Variants in SORCS3 observed in about 807,000 individuals in gnomAD.
SORCS3 encodes VPS10 domain-containing receptor SorCS3.
Under a neutral mutation model 146.3 loss-of-function variants are expected in SORCS3, and 57 were observed. The ratio of observed to expected loss-of-function variants is 0.39; its 90% CI spans 0.31 to 0.49. SORCS3 has a LOEUF of 0.49. SORCS3 is among the 20% of genes least tolerant of loss of function. The pLI, the probability that SORCS3 is intolerant of heterozygous loss-of-function variation, is 0.92. For synonymous variants in SORCS3, 653 were observed against 618.5 expected, an observed-to-expected ratio of 1.06 and a Z score of -0.83; for missense variants, 1,341 against 1,575.5, an observed-to-expected ratio of 0.85 and a Z score of 2.52.
intron 8 of SORCS3, among the ~76,000 whole-genome samples, chr10:105,142,775 G>A (rs773842910): frequency 2.6e-5 from 4 of 152,198 alleles, no homozygotes; most frequent in Admixed American, 1.3e-4. Flanking sequence ...GGTATTGCAA[G>A]TCGTTTCAAA....
At chr10:104,945,385 G>A (rs1256521902) in intron 3 of SORCS3, among the ~76,000 whole-genome samples, 2 of 151,964 alleles carry the variant, frequency 1.3e-5, no homozygotes, top group Non-Finnish European at 2.9e-5. Context: ...AGCCTCCTGA[G>A]TAGCTGGGAT....
At chr10:105,004,421 C>G (rs1024018965) in intron 4 of SORCS3, among the ~76,000 whole-genome samples, 3 of 152,098 alleles carry the variant, frequency 2.0e-5, no homozygotes, top group African/African-American at 7.2e-5. Flanking sequence ...GGGGCAAGGA[C>G]AGGAAACCAT....
chr10:105,065,043 G>A (rs1335617135), intron 5 of SORCS3, among the ~76,000 whole-genome samples: 1 of 152,164 alleles, frequency 6.6e-6, no homozygotes, highest in African/African-American at 2.4e-5. Flanking sequence ...ATCACGTAGG[G>A]TGCAGGTAAT....
chr10:104,700,219 A>G (rs1405107673), intron 1 of SORCS3, among the ~76,000 whole-genome samples: 3 of 152,208 alleles, frequency 2.0e-5, no homozygotes, highest in African/African-American at 7.2e-5. Flanking sequence ...GCTTTGAGTG[A>G]CAAGTGAAAG....
intron 16 of SORCS3, 117 bp from the exon 17 acceptor site, chr10:105,211,020 A>T: frequency 3.1e-6 from 2 of 640,168 alleles, no homozygotes; most frequent in Non-Finnish European, 2.9e-6. Flanking sequence ...GGATATTTAA[A>T]ACAATGTGTT....
intron 4 of SORCS3, among the ~76,000 whole-genome samples, chr10:104,991,508 T>G (rs1691442665): frequency 6.6e-6 from 1 of 151,350 alleles, no homozygotes; most frequent in South Asian, 2.1e-4. Flanking sequence ...TCTTCCTTTT[T>G]TTTTTTTTTT....
chr10:105,170,054 T>G (rs968187595), intron 13 of SORCS3, among the ~76,000 whole-genome samples: 1 of 152,130 alleles, frequency 6.6e-6, no homozygotes, highest in Non-Finnish European at 1.5e-5. Flanking sequence ...TTCCTTGTGC[T>G]GAGGAAAGAA....
intron 3 of SORCS3, among the ~76,000 whole-genome samples, chr10:104,928,638 A>T (rs1019899683): frequency 6.6e-6 from 1 of 151,970 alleles, no homozygotes; most frequent in African/African-American, 2.4e-5. Flanking sequence ...AGACCTCAGC[A>T]CTTGGTACAC....
intron 1 of SORCS3, among the ~76,000 whole-genome samples, chr10:104,773,929 G>A (rs1242147726): frequency 1.3e-5 from 2 of 152,180 alleles, no homozygotes; most frequent in Non-Finnish European, 2.9e-5. Context: ...TGTTGGAAAG[G>A]TAGACTCTCC....
At chr10:104,976,951 C>G (rs1037383682) in intron 3 of SORCS3, among the ~76,000 whole-genome samples, 1 of 151,928 alleles carries the variant, frequency 6.6e-6, no homozygotes, top group Non-Finnish European at 1.5e-5. Flanking sequence ...GGAGATATAT[C>G]TAATGCTAAA....
intron 7 of SORCS3, among the ~76,000 whole-genome samples, chr10:105,109,617 T>G (rs190280713): frequency 6.6e-6 from 1 of 152,244 alleles, no homozygotes; most frequent in Admixed American, 6.5e-5. Context: ...AATGTATGTG[T>G]CATCCTCTTT....
chr10:104,879,406 G>A (rs1445219919), intron 2 of SORCS3, among the ~76,000 whole-genome samples: 1 of 152,126 alleles, frequency 6.6e-6, no homozygotes, highest in Admixed American at 6.5e-5. Flanking sequence ...ACCCACTGCA[G>A]CTGAAAAAAT....
intron 5 of SORCS3, among the ~76,000 whole-genome samples, chr10:105,059,089 A>G (rs7094329): frequency 0.011 from 1,671 of 152,258 alleles, 29 homozygotes; most frequent in African/African-American, 0.037. Context: ...GCCTTTGTAC[A>G]CTAGATTTTG....
intron 2 of SORCS3, among the ~76,000 whole-genome samples, chr10:104,852,597 A>G (rs529237572): frequency 1.1e-4 from 16 of 152,276 alleles, no homozygotes; most frequent in Non-Finnish European, 1.9e-4. Flanking sequence ...TGTGCCACTG[A>G]TCCAAGGCAC....
chr10:105,108,894 C>T (rs2055840685), intron 7 of SORCS3, among the ~76,000 whole-genome samples: 1 of 152,166 alleles, frequency 6.6e-6, no homozygotes, highest in Non-Finnish European at 1.5e-5. Context: ...CCACCTTTTT[C>T]TTCTCACAGG....
chr10:105,031,387 A>G (rs545845679), intron 4 of SORCS3, among the ~76,000 whole-genome samples: 12 of 152,074 alleles, frequency 7.9e-5, no homozygotes, highest in African/African-American at 1.9e-4. Flanking sequence ...TTGTTTTACA[A>G]ATGTTTAGGG....
chr10:104,869,514 C>T (rs2018494427), intron 2 of SORCS3, among the ~76,000 whole-genome samples: 1 of 152,198 alleles, frequency 6.6e-6, no homozygotes, highest in African/African-American at 2.4e-5. Flanking sequence ...CTTACAGACA[C>T]ACTCAGAAAT....
At chr10:104,963,477 C>A (rs186060420) in intron 3 of SORCS3, among the ~76,000 whole-genome samples, 2 of 152,206 alleles carry the variant, frequency 1.3e-5, no homozygotes, top group Admixed American at 6.5e-5. Context: ...CTGAGTTTTC[C>A]TTCTCCCTCT....
chr10:104,723,918 A>T (rs897395570), intron 1 of SORCS3, among the ~76,000 whole-genome samples: 24 of 151,448 alleles, frequency 1.6e-4, no homozygotes, highest in African/African-American at 5.1e-4. Flanking sequence ...ATGGGTCTTG[A>T]CTCTTTATCC....
Sources: gnomAD v4.1 joint callset for allele counts (sites outside exome capture counted in the v4.1 genomes callset) on GRCh38, gnomAD v4.1.1 for gene constraint, MANE v1.5 for transcripts, NCBI Gene and HGNC (gene_info 2026-07-23, HGNC 2026-07-21) for gene names.